The following DPPA2 variants were observed in gnomAD, a reference collection of about 807,000 sequenced individuals.
The protein encoded by DPPA2 is developmental pluripotency-associated protein 2.
Under a neutral mutation model 36.2 loss-of-function variants are expected in DPPA2, and 26 were observed. The ratio of observed to expected loss-of-function variants is 0.72; its 90% confidence interval spans 0.53 to 1.00. DPPA2 has a LOEUF of 1.00. Among genes scored for constraint, DPPA2 ranks in the 50% least tolerant of loss-of-function variants. DPPA2 has a pLI of 0.00. For missense variants in DPPA2, 361 were observed against 365.1 expected (o/e 0.99, Z 0.09); for synonymous variants, 113 against 123.2 (o/e 0.92, Z 0.55).
intron 1 of DPPA2, among the ~76,000 whole-genome samples, chr3:109,315,081 A>G (rs528368797): frequency 1.1e-4 from 17 of 152,330 alleles, no homozygotes; most frequent in African/African-American, 3.6e-4. Flanking sequence ...GGAAAGAAAG[A>G]AGAAAAAAAA....
At chr3:109,312,730 C>T (rs575036965) in intron 2 of DPPA2, 38 bp from the exon 3 acceptor site, 52 of 1,606,652 alleles carry the variant, frequency 3.2e-5, no homozygotes, top group African/African-American at 3.2e-4. Context: ...TCATTTGATG[C>T]GGTACAACTA....
intron 8 of DPPA2, among the ~76,000 whole-genome samples, chr3:109,295,965 G>T (rs1332680320): frequency 6.6e-6 from 1 of 152,084 alleles, no homozygotes; most frequent in Non-Finnish European, 1.5e-5. Context: ...GAATCAGAGG[G>T]CTTAAACAAA....
intron 6 of DPPA2, among the ~76,000 whole-genome samples, chr3:109,304,984 T>C (rs1210110371): frequency 6.6e-6 from 1 of 151,890 alleles, no homozygotes; most frequent in Non-Finnish European, 1.5e-5. Context: ...TCATCTCTAC[T>C]AAAAATGCAA....
chr3:109,300,491 C>T (rs971414753), intron 7 of DPPA2, 56 bp from the exon 8 acceptor site: 78 of 1,522,278 alleles, frequency 5.1e-5, no homozygotes, highest in South Asian at 4.0e-4. Flanking sequence ...GTAAACCATC[C>T]CTTACCAATC....
intron 8 of DPPA2, 136 bp downstream of exon 8, chr3:109,300,233 AAG>A: frequency 1.5e-6 from 1 of 681,860 alleles, no homozygotes; most frequent in East Asian, 2.6e-5. Context: ...GACAGCAGAC[AAG>A]AGACTTTGAT....
intron 6 of DPPA2, 137 bp from the exon 7 acceptor site, chr3:109,304,807 C>A: frequency 2.4e-6 from 2 of 823,012 alleles, no homozygotes; most frequent in Non-Finnish European, 3.7e-6. Context: ...ACCTAGACCA[C>A]ATGACACTAT....
chr3:109,312,735 C>T lies in DPPA2; in HGVS notation c.34-43G>A, dbSNP rs756657270. On this transcript the variant is annotated intron_variant, in intron 2 of 8. Coordinates refer to ENST00000478945, the MANE Select transcript of DPPA2 (RefSeq NM_138815.4). ...TCACTGATTTTCATTTGATGCGGTA[C>T]AACTAAACTGCTTGCTTTCAAGGCA... The T allele has an allele frequency of 1.0e-5, 16 of 1,597,526 alleles. No homozygotes were observed. In the African/African-American group the frequency reaches 1.7e-4, roughly 17 times the overall value.
chr3:109,300,021 A>T (rs1293612475), intron 8 of DPPA2, among the ~76,000 whole-genome samples: 1 of 152,212 alleles, frequency 6.6e-6, no homozygotes. Flanking sequence ...ATACATGGGA[A>T]CCCTATACTT....
In DPPA2 at chr3:109,299,371, G is replaced by A. The variant is rs1707416896; in HGVS notation, c.*22+1000C>T. 3.3e-5 allele frequency among the ~76,000 whole-genome samples: 5 copies of A among 152,214 alleles called. No individual in the cohort carries two copies. The South Asian group carries it at 1.0e-3, about 32-fold the overall frequency. On this transcript the variant is annotated intron_variant, in intron 8 of 8. Transcript: ENST00000478945. The stretch of plus-strand genomic sequence containing the variant: ...ACTAATACAAAAAAATTAGCCGGGT[G>A]TGGTGGCACATGCCTGTAATCCCAG...
chr3:109,313,055 T>C (rs1486499037), intron 2 of DPPA2, among the ~76,000 whole-genome samples: 1 of 152,170 alleles, frequency 6.6e-6, no homozygotes, highest in Non-Finnish European at 1.5e-5. Flanking sequence ...CCATCTTCTA[T>C]CACATGATTC....
Position 109,308,142 on chromosome 3 carries a change from C to G in DPPA2, c.548G>C (p.Gly183Ala). ...TCTTGCCCATGATGCCAACATGGCTCCCGGTGCTGAAGTTATCACTTCAAC... is the reference window on the plus strand; with the variant it reads ...TCTTGCCCATGATGCCAACATGGCTGCCGGTGCTGAAGTTATCACTTCAAC... The part of the protein sequence containing the change: ...NTVEVITSAP[G>A]AMLASWARIA... The change falls in exon 6 of 9, where the codon GGA (glycine) becomes GCA (alanine). Residue 183 changes from glycine (G) to alanine (A), a missense_variant. By Grantham distance (60) the Gly-to-Ala change is moderately conservative. Transcript: ENST00000478945. 1 of 1,614,148 alleles carries G rather than the reference C, an allele frequency of 6.2e-7. No individual in the cohort carries two copies. Among genetic ancestry groups the G allele is most frequent in the East Asian group, 2.2e-5 (1 of 44,874 alleles).
At chr3:109,301,682 GAGAA>G (rs112523063) in intron 7 of DPPA2, among the ~76,000 whole-genome samples, 142,560 of 151,134 alleles carry the variant, frequency 0.94, 67,685 homozygotes, top group East Asian at 1. Flanking sequence ...AAGGAAAAGA[GAGAA>G]AGAAAGAAGA....
At chr3:109,305,508 C>A (rs1360249413) in intron 6 of DPPA2, among the ~76,000 whole-genome samples, 1 of 152,046 alleles carries the variant, frequency 6.6e-6, no homozygotes, top group Non-Finnish European at 1.5e-5. Flanking sequence ...GGCGTGGTGG[C>A]TTACGCCTGT....
intron 3 of DPPA2, 34 bp downstream of exon 3, chr3:109,312,511 G>C (rs1007664101): frequency 9.4e-6 from 15 of 1,589,002 alleles, no homozygotes; most frequent in Non-Finnish European, 1.2e-5. Flanking sequence ...CAGAGTTGTA[G>C]GAGTAACTAA....
intron 8 of DPPA2, among the ~76,000 whole-genome samples, chr3:109,297,522 G>C (rs1707376851): frequency 6.6e-6 from 1 of 150,728 alleles, no homozygotes; most frequent in African/African-American, 2.4e-5. Context: ...CTCTGAGAGA[G>C]TCTGTCTCAA....
At chr3:109,297,206 C>T (rs1707370608) in intron 8 of DPPA2, among the ~76,000 whole-genome samples, 1 of 152,144 alleles carries the variant, frequency 6.6e-6, no homozygotes, top group Admixed American at 6.6e-5. Flanking sequence ...TACTTCATAT[C>T]ATTAAGGAAT....
chr3:109,310,662 T>A (rs560230567), intron 3 of DPPA2, among the ~76,000 whole-genome samples: 3 of 151,640 alleles, frequency 2.0e-5, no homozygotes, highest in South Asian at 2.1e-4. Context: ...CGCGCCACCA[T>A]GCCCAGCTAA....
chr3:109,306,803 T>G, intron 6 of DPPA2, among the ~76,000 whole-genome samples: 1 of 148,428 alleles, frequency 6.7e-6, no homozygotes, highest in South Asian at 2.1e-4. Context: ...TCGCCTCTAC[T>G]GAAAAAAAAA....
intron 7 of DPPA2, among the ~76,000 whole-genome samples, chr3:109,302,479 G>A (rs756812117): frequency 2.6e-5 from 4 of 151,886 alleles, no homozygotes; most frequent in Non-Finnish European, 5.9e-5. Flanking sequence ...TTGAGACGGA[G>A]TTTCGCTCCT....
Sources: gnomAD v4.1 joint callset for allele counts (sites outside exome capture counted in the v4.1 genomes callset) on GRCh38, gnomAD v4.1.1 for gene constraint, MANE v1.5 for transcripts, NCBI Gene and HGNC (gene_info 2026-07-23, HGNC 2026-07-21) for gene names.